Variants in CFAP61 observed in about 807,000 individuals in gnomAD.
The protein encoded by CFAP61 is cilia and flagella associated protein 61, also known as cilia- and flagella-associated protein 61.
A neutral mutation model predicts 135.6 loss-of-function variants in CFAP61; 107 were observed. The ratio of observed to expected loss-of-function variants is 0.79; its 90% CI spans 0.67 to 0.93. The LOEUF is 0.93. Among genes scored for constraint, CFAP61 ranks in the 40% least tolerant of loss-of-function variants. CFAP61 has a pLI of 0.00. For missense variants in CFAP61, 1,507 were observed against 1,556.2 expected, an observed-to-expected ratio of 0.97 and a Z score of 0.53; for synonymous variants, 575 against 578.5, an observed-to-expected ratio of 0.99 and a Z score of 0.09.
chr20:20,262,142 A>G (rs528104674), intron 20 of CFAP61, among the ~76,000 whole-genome samples: 6 of 152,244 alleles, frequency 3.9e-5, no homozygotes, highest in African/African-American at 1.4e-4. Context: ...ACCACATCCA[A>G]TGCATTCCCA....
At chr20:20,257,425 A>T (rs2424299) in intron 20 of CFAP61, among the ~76,000 whole-genome samples, 80,951 of 151,704 alleles carry the variant, frequency 0.53, 21,850 homozygotes, top group East Asian at 0.72. Flanking sequence ...GACCAGCCTG[A>T]CCAACATGGT....
chr20:20,087,395 T>G (rs1211740436), intron 6 of CFAP61, among the ~76,000 whole-genome samples: 1 of 152,212 alleles, frequency 6.6e-6, no homozygotes, highest in African/African-American at 2.4e-5. Context: ...GTATTTGTTT[T>G]TTTGTTCCTG....
chr20:20,057,896 T>C (rs1285018154), intron 2 of CFAP61, among the ~76,000 whole-genome samples: 1 of 152,070 alleles, frequency 6.6e-6, no homozygotes, highest in Non-Finnish European at 1.5e-5. Flanking sequence ...TTTGTTTGTT[T>C]GTTTGTTTTT....
intron 20 of CFAP61, among the ~76,000 whole-genome samples, chr20:20,262,270 C>G (rs2052305150): frequency 1.3e-5 from 2 of 152,164 alleles, no homozygotes; most frequent in Non-Finnish European, 2.9e-5. Flanking sequence ...GGAAGAGGCA[C>G]TGCTCAACTT....
At chr20:20,180,842 C>A (rs556179939) in intron 13 of CFAP61, among the ~76,000 whole-genome samples, 2 of 152,256 alleles carry the variant, frequency 1.3e-5, no homozygotes, top group South Asian at 4.1e-4. Context: ...AGAATGAGAT[C>A]TTGTCCTTTG....
At chr20:20,288,490 C>G in intron 22 of CFAP61, 119 bp from the exon 23 acceptor site, 1 of 778,636 alleles carries the variant, frequency 1.3e-6, no homozygotes, top group Non-Finnish European at 2.1e-6. Context: ...TGATAGCAAA[C>G]TTTTAGTATG....
intron 8 of CFAP61, among the ~76,000 whole-genome samples, chr20:20,141,037 C>A (rs1452868981): frequency 6.6e-6 from 1 of 151,880 alleles, no homozygotes; most frequent in African/African-American, 2.4e-5. Flanking sequence ...ATTCTCCTGC[C>A]TCTCCTGAGT....
intron 8 of CFAP61, among the ~76,000 whole-genome samples, chr20:20,139,360 C>T (rs1280608222): frequency 2.6e-5 from 4 of 152,186 alleles, no homozygotes; most frequent in African/African-American, 7.2e-5. Context: ...ATGGTAAACC[C>T]GCTTCAGATA....
At chr20:20,242,148 G>A (rs1011698566) in intron 18 of CFAP61, among the ~76,000 whole-genome samples, 1 of 152,202 alleles carries the variant, frequency 6.6e-6, no homozygotes, top group South Asian at 2.1e-4. Context: ...TCAGTAAATT[G>A]ATAGCAGTTC....
chr20:20,292,515 T>G (rs1230504821), intron 24 of CFAP61, among the ~76,000 whole-genome samples: 3 of 152,242 alleles, frequency 2.0e-5, no homozygotes, highest in African/African-American at 7.2e-5. Flanking sequence ...GTCAGGAATT[T>G]GGACAGGGCA....
chr20:20,251,245 C>T (rs2050866780), intron 19 of CFAP61, among the ~76,000 whole-genome samples: 2 of 152,078 alleles, frequency 1.3e-5, no homozygotes, highest in South Asian at 4.2e-4. Flanking sequence ...ACCAATTTAA[C>T]AGCTAAAGTA....
At chr20:20,339,056 C>A (rs917076952) in intron 25 of CFAP61, among the ~76,000 whole-genome samples, 5 of 151,968 alleles carry the variant, frequency 3.3e-5, no homozygotes, top group Admixed American at 6.6e-5. Flanking sequence ...CTTTTTTCTC[C>A]CAGCTGTGCA....
chr20:20,055,792 T>C (rs1352596267), intron 1 of CFAP61, among the ~76,000 whole-genome samples: 3 of 152,240 alleles, frequency 2.0e-5, no homozygotes, highest in South Asian at 4.1e-4. Context: ...TAGACATTAT[T>C]AATTTCTCCT....
At chr20:20,122,271 AGC>A (rs1386253473) in intron 8 of CFAP61, among the ~76,000 whole-genome samples, 2 of 152,122 alleles carry the variant, frequency 1.3e-5, no homozygotes, top group Non-Finnish European at 2.9e-5. Context: ...CTCCTGCCTC[AGC>A]CTCTCCCGAG....
intron 25 of CFAP61, among the ~76,000 whole-genome samples, chr20:20,322,488 C>T (rs1479204611): frequency 2.6e-5 from 4 of 152,176 alleles, no homozygotes; most frequent in African/African-American, 9.7e-5. Flanking sequence ...TATCTGGGTG[C>T]AGGAAAGGAG....
chr20:20,175,421 G>A (rs1280892242), intron 13 of CFAP61, among the ~76,000 whole-genome samples: 2 of 152,034 alleles, frequency 1.3e-5, no homozygotes, highest in African/African-American at 2.4e-5. Context: ...GCTAACAAGT[G>A]CACCAGTTGA....
At chr20:20,062,745 T>C (rs566042816) in intron 2 of CFAP61, among the ~76,000 whole-genome samples, 123 of 152,338 alleles carry the variant, frequency 8.1e-4, no homozygotes, top group Non-Finnish European at 1.5e-3. Context: ...TCGTGACTAG[T>C]TGTGTTTCAG....
intron 5 of CFAP61, 97 bp downstream of exon 5, chr20:20,075,353 C>A: frequency 6.8e-7 from 1 of 1,461,736 alleles, no homozygotes. Flanking sequence ...GAGTGGTCTC[C>A]AGGTCCTCAA....
At position 20,188,043 on chromosome 20, in the gene CFAP61, C is replaced by T; in HGVS notation, c.1499C>T (p.Ala500Val). ...GAGGACTTAGACCGTTACAACAAGG[C>T]TCGCAAAGACCCTGTAAGTACCTGT... ...ILEDLDRYNKARKDPDGTLLQ... is the reference protein window; with the variant it reads ...ILEDLDRYNKVRKDPDGTLLQ... Residue 500 changes from alanine (A) to valine (V), a missense_variant, in exon 14 of 27, where the codon GCT becomes GTT. Ala to Val is a moderately conservative substitution (Grantham distance 64, BLOSUM62 0). Coordinates refer to ENST00000245957, the MANE Select transcript of CFAP61 (RefSeq NM_015585.4). 6.2e-7 allele frequency: 1 copy of T among 1,614,148 alleles called. No homozygotes were observed. The highest frequency in any genetic ancestry group is 8.5e-7 in the Non-Finnish European group (1 of 1,180,014).
Sources: gnomAD v4.1 joint callset for allele counts (sites outside exome capture counted in the v4.1 genomes callset) on GRCh38, gnomAD v4.1.1 for gene constraint, MANE v1.5 for transcripts, NCBI Gene and HGNC (gene_info 2026-07-23, HGNC 2026-07-21) for gene names.